Variants in CCN2 observed in about 807,000 individuals in gnomAD.
CCN2 encodes the protein cellular communication network factor 2, also known as CCN family member 2.
Under a neutral mutation model 33.2 loss-of-function variants are expected in CCN2, and 22 were observed. The observed-to-expected ratio is 0.66, with a 90% CI of 0.47 to 0.95. CCN2 has a LOEUF of 0.95. Among genes scored for constraint, CCN2 ranks in the 40% least tolerant of loss-of-function variants. The pLI is 0.00. For synonymous variants in CCN2, 178 were observed against 200.6 expected, an observed-to-expected ratio of 0.89 and a Z score of 0.95; for missense variants, 469 against 498.8, an observed-to-expected ratio of 0.94 and a Z score of 0.57.
At position 131,949,961 on chromosome 6, in the gene CCN2, T is replaced by C. The variant is rs1257803692; in HGVS notation, c.741A>G (p.Glu247=). The C allele has an allele frequency of 6.2e-7, 1 of 1,614,210 alleles. No homozygotes were observed. The highest frequency in any genetic ancestry group is 8.5e-7 in the Non-Finnish European group (1 of 1,180,012). The change falls in exon 4 of 5, where the codon GAA becomes GAG. Residue 247 remains glutamate, a synonymous_variant. Coordinates refer to ENST00000367976, the MANE Select transcript of CCN2 (RefSeq NM_001901.4). The part of the protein sequence containing the change: ...CMVRPCEADL[E]ENIKKGKKCI... ...GCAGAACATGTACCTTAATGTTCTC[T>C]TCCAGGTCAGCTTCGCAAGGCCTGA... is the stretch of plus-strand genomic sequence containing the variant.
chr6:131,950,195 C>T lies in CCN2; in HGVS notation c.542-35G>A, dbSNP rs1189852179. 1.2e-5 allele frequency: 19 copies of T among 1,613,424 alleles called. No homozygotes were observed. Among genetic ancestry groups the T allele is most frequent in the Non-Finnish European group, 1.6e-5 (19 of 1,179,582 alleles). On this transcript the variant is annotated intron_variant, in intron 3 of 4. Transcript: ENST00000367976. The surrounding 1 kb of genome is among the most constrained non-coding windows in gnomAD (Gnocchi z 7.1). ...CAGAGCACACAAACACCATGTAAAA[C>T]GCCTGGATAAGGTATTTCCCCCGTT...
At chr6:131,949,586 AGG>A in intron 4 of CCN2, 26 bp from the exon 5 acceptor site, 1 of 763,152 alleles carries the variant, frequency 1.3e-6, no homozygotes, top group East Asian at 4.1e-5. Context: ...GAAAAGAGAG[AGG>A]AAAAAAAAAA....
chr6:131,949,413 G>T lies in CCN2; in HGVS notation c.901C>A (p.Leu301Met). The change falls in exon 5 of 5, where the codon CTG (leucine) becomes ATG (methionine). Residue 301 changes from leucine (L) to methionine (M), a missense_variant. Transcript: ENST00000367976. Reference sequence around the variant, plus strand: ...TCAGGGCACTTGAACTCCACCGGCAGGGTGGTGGTTCTGTGGGGGGTGCAG... The same window carrying T: ...TCAGGGCACTTGAACTCCACCGGCATGGTGGTGGTTCTGTGGGGGGTGCAG... ...RCCTPHRTTT[L>M]PVEFKCPDGE... 6.2e-7 allele frequency: 1 copy of T among 1,614,222 alleles called. No individual in the cohort carries two copies.
At position 131,949,198 on chromosome 6, in the gene CCN2, G is replaced by A. The variant is rs1294378063; in HGVS notation, c.*66C>T. Reference sequence around the variant, plus strand: ...CTTGTGCTACTGAAATCATTTTTACGGAAAAATGAGATGTGAATCAGTTCA... The same window carrying A: ...CTTGTGCTACTGAAATCATTTTTACAGAAAAATGAGATGTGAATCAGTTCA... On this transcript the variant is annotated 3_prime_UTR_variant, in exon 5 of 5. Transcript: ENST00000367976. 1.4e-6 allele frequency: 2 copies of A among 1,401,580 alleles called. No individual in the cohort carries two copies. The highest frequency in any genetic ancestry group is 2.0e-6 in the Non-Finnish European group (2 of 998,994). The allele number at this position is 1,401,580 out of a possible 1,614,324, so 86.8% of individuals were successfully genotyped here. A position where few individuals can be genotyped will look rare whatever the true frequency, so the allele number is the denominator to read the frequency against.
At position 131,949,323 on chromosome 6, in the gene CCN2, C is replaced by A; in HGVS notation, c.991G>T (p.Gly331Ter). The A allele has an allele frequency of 6.2e-7, 1 of 1,614,172 alleles. No homozygotes were observed. Among genetic ancestry groups the A allele is most frequent in the South Asian group, 1.1e-5 (1 of 91,086 alleles). The change falls in exon 5 of 5, where the codon GGA becomes TGA. Residue 331 changes from glycine to a stop codon, truncating the protein, a stop_gained. Coordinates refer to ENST00000367976, the MANE Select transcript of CCN2 (RefSeq NM_001901.4). LOFTEE classifies it high-confidence loss of function. Reference sequence around the variant, plus strand: ...AGCGATTCAAAGATGTCATTGTCTCCGGGACAGTTGTAATGGCAGGCACAG... The same window carrying A: ...AGCGATTCAAAGATGTCATTGTCTCAGGGACAGTTGTAATGGCAGGCACAG... The part of the protein sequence containing the change: ...KTCACHYNCP[G>*]DNDIFESLYY...
chr6:131,950,095 T>A lies in CCN2; in HGVS notation c.607A>T (p.Thr203Ser). ...TMIRANCLVQ[T>S]TEWSACSKTC... ...TTGGAACAGGCGCTCCACTCTGTGGTCTGGACCAGGCAGTTGGCTCTAATC... is the reference window on the plus strand; with the variant it reads ...TTGGAACAGGCGCTCCACTCTGTGGACTGGACCAGGCAGTTGGCTCTAATC... The change falls in exon 4 of 5, where the codon ACC (threonine) becomes TCC (serine). Residue 203 changes from threonine (T) to serine (S), a missense_variant. Physicochemically the swap from Thr to Ser is moderately conservative, Grantham distance 58. Coordinates refer to ENST00000367976, the MANE Select transcript of CCN2 (RefSeq NM_001901.4). The surrounding 1 kb of genome is among the most constrained non-coding windows in gnomAD (Gnocchi z 7.1). 2 of 1,614,220 alleles carry A rather than the reference T, an allele frequency of 1.2e-6. No homozygotes were observed. Among genetic ancestry groups the A allele is most frequent in the Non-Finnish European group, 8.5e-7 (1 of 1,180,032 alleles).
rs759220528 is a variant in CCN2 at position 131,950,038 on chromosome 6, T to C, written c.664A>G (p.Thr222Ala). Residue 222 changes from threonine to alanine, a missense_variant, in exon 4 of 5, where the codon ACC (threonine) becomes GCC (alanine). Thr to Ala is a moderately conservative substitution (Grantham distance 58, BLOSUM62 0). Coordinates refer to ENST00000367976, the MANE Select transcript of CCN2 (RefSeq NM_001901.4). The surrounding 1 kb of genome is among the most constrained non-coding windows in gnomAD (Gnocchi z 7.1). ...TCGMGISTRVTNDNASCRLEK... is the reference protein window; with the variant it reads ...TCGMGISTRVANDNASCRLEK... ...AGCCTGCAGGAGGCGTTGTCATTGG[T>C]AACCCGGGTGGAGATGCCCATCCCA... is the stretch of plus-strand genomic sequence containing the variant. 8 of 1,614,072 alleles carry C rather than the reference T, an allele frequency of 5.0e-6. No individual in the cohort carries two copies. The East Asian group carries it at 1.8e-4, about 36-fold the overall frequency.
At position 131,949,243 on chromosome 6, in the gene CCN2, A is replaced by T; in HGVS notation, c.*21T>A. 6.2e-7 allele frequency: 1 copy of T among 1,600,664 alleles called. No individual in the cohort carries two copies. Among genetic ancestry groups the T allele is most frequent in the Non-Finnish European group, 8.6e-7 (1 of 1,168,456 alleles). ...AGTTCAAGTTCCAGTCTAATGAGTT[A>T]ATGTCTCTCACTCTCTGGCTTCATG... is the stretch of plus-strand genomic sequence containing the variant. On this transcript the variant is annotated 3_prime_UTR_variant, in exon 5 of 5. Transcript: ENST00000367976.
At position 131,949,060 on chromosome 6, in the gene CCN2, T is replaced by G; in HGVS notation, c.*204A>C. 1 of 594,214 alleles carries G rather than the reference T, an allele frequency of 1.7e-6. No individual in the cohort carries two copies. Among genetic ancestry groups the G allele is most frequent in the Non-Finnish European group, 3.0e-6 (1 of 334,126 alleles). 36.8% of individuals were successfully genotyped at this position (594,214 alleles called of 1,614,324 possible). A position where few individuals can be genotyped will look rare whatever the true frequency, so the allele number is the denominator to read the frequency against. On this transcript the variant is annotated 3_prime_UTR_variant, in exon 5 of 5. Transcript: ENST00000367976. Reference sequence around the variant, plus strand: ...ACTAATGTAGTTCCACTGTCAAGTCTTAACATTCTTCAAACCAGTGTCTGG... The same window carrying G: ...ACTAATGTAGTTCCACTGTCAAGTCGTAACATTCTTCAAACCAGTGTCTGG...
chr6:131,949,195 T>C lies in CCN2; in HGVS notation c.*69A>G. The stretch of plus-strand genomic sequence containing the variant: ...TAACTTGTGCTACTGAAATCATTTT[T>C]ACGGAAAAATGAGATGTGAATCAGT... On this transcript the variant is annotated 3_prime_UTR_variant, in exon 5 of 5. Coordinates refer to ENST00000367976, the MANE Select transcript of CCN2 (RefSeq NM_001901.4). The C allele has an allele frequency of 7.2e-7, 1 of 1,381,420 alleles. No individual in the cohort carries two copies. The highest frequency in any genetic ancestry group is 1.0e-6 in the Non-Finnish European group (1 of 981,472). The allele number at this position is 1,381,420 out of a possible 1,614,324, so 85.6% of individuals were successfully genotyped here.
In CCN2 at chr6:131,949,483, C is replaced by T; in HGVS notation, c.831G>A (p.Lys277=). 1 of 1,607,506 alleles carries T rather than the reference C, an allele frequency of 6.2e-7. No homozygotes were observed. Among genetic ancestry groups the T allele is most frequent in the Non-Finnish European group, 8.5e-7 (1 of 1,175,882 alleles). The change falls in exon 5 of 5, where the codon AAG becomes AAA. Residue 277 remains lysine (K), a synonymous_variant. Coordinates refer to ENST00000367976, the MANE Select transcript of CCN2 (RefSeq NM_001901.4). The stretch of plus-strand genomic sequence containing the variant: ...CTCCACAGAATTTAGCTCGGTATGT[C>T]TTCATGCTGGTGCAGCCAGAAAGCT... ...KFELSGCTSM[K]TYRAKFCGVC...
Position 131,950,762 on chromosome 6 carries a change from G to C in CCN2, c.289+8C>G. The stretch of plus-strand genomic sequence containing the variant: ...CGGACACCTAGCGGTGGGGGCTGCG[G>C]GTCTTACCGGTGCACACGCCGATCT... On this transcript the variant is annotated splice_region_variant and intron_variant, in intron 2 of 4. Transcript: ENST00000367976. This position sits in a 1 kb window ranked among gnomAD's most constrained non-coding sequence, Gnocchi z 7.1. The C allele has an allele frequency of 1.3e-6, 2 of 1,537,714 alleles. No homozygotes were observed. Among genetic ancestry groups the C allele is most frequent in the Admixed American group, 2.0e-5 (1 of 51,250 alleles).
rs920417997 is a variant in CCN2, at chr6:131,948,917, C to T, written c.*347G>A. On this transcript the variant is annotated 3_prime_UTR_variant, in exon 5 of 5. Transcript: ENST00000367976. ...ACGCTAAAATTTTCCTTCTCAATTA[C>T]ACTTCAAATAGCAGGCATATTACTC... The T allele has an allele frequency of 1.5e-5, 4 of 273,780 alleles. No individual in the cohort carries two copies. Among genetic ancestry groups the T allele is most frequent in the African/African-American group, 2.2e-5 (1 of 46,290 alleles). The allele number at this position is 273,780 out of a possible 1,614,324, so 17.0% of individuals were successfully genotyped here.
chr6:131,950,473 G>A lies in CCN2; in HGVS notation c.360C>T (p.Cys120=), dbSNP rs367954777. The part of the protein sequence containing the change: ...YRSGESFQSS[C]KYQCTCLDGA... ...CGTCCAGGCACGTGCACTGGTACTT[G>A]CAGCTGCTCTGGAAGGACTCTCCGC... Residue 120 remains cysteine (C), a synonymous_variant, in exon 3 of 5, where the codon TGC becomes TGT. Transcript: ENST00000367976. The surrounding 1 kb of genome is among the most constrained non-coding windows in gnomAD (Gnocchi z 7.1). 3.7e-6 allele frequency: 6 copies of A among 1,613,892 alleles called. No individual in the cohort carries two copies. In the African/African-American group the frequency reaches 5.3e-5, roughly 14 times the overall value.
chr6:131,951,087 C>CG lies in CCN2; in HGVS notation c.66+19dup. ...CCTCCCTGGCAGCCGCCGGCCGCAGCGGGGGCTCCCGGCGCTTACCCGGCT... is the reference window on the plus strand; with the variant it reads ...CCTCCCTGGCAGCCGCCGGCCGCAGCGGGGGGCTCCCGGCGCTTACCCGGCT... On this transcript the variant is annotated intron_variant, in intron 1 of 4. Coordinates refer to ENST00000367976, the MANE Select transcript of CCN2 (RefSeq NM_001901.4). 2 of 1,308,246 alleles carry CG rather than the reference C, an allele frequency of 1.5e-6. No homozygotes were observed. The highest frequency in any genetic ancestry group is 1.9e-6 in the Non-Finnish European group (2 of 1,029,810). 81.0% of individuals were successfully genotyped at this position (1,308,246 alleles called of 1,614,324 possible).
chr6:131,951,355 G>T lies in CCN2; in HGVS notation c.-183C>A, dbSNP rs888069051. 2.2e-6 allele frequency: 1 copy of T among 444,826 alleles called. No homozygotes were observed. The highest frequency in any genetic ancestry group is 3.6e-6 in the Non-Finnish European group (1 of 276,722). 27.6% of individuals were successfully genotyped at this position (444,826 alleles called of 1,614,324 possible). ...GTCGCACTGGCTGTCTCCTCTCAGC[G>T]GGGAAGAGTTGTTGTGTGAGTTTGG... On this transcript the variant is annotated 5_prime_UTR_variant, in exon 1 of 5. Transcript: ENST00000367976.
rs1275178510 is a variant in CCN2, at chr6:131,951,273, CGGGCTGTCGTCTCG to C, written c.-115_-102del. ...GTCGGAGGTGGGGACCGGGACGCGC[CGGGCTGTCGTCTCG>C]GGGCTGTCGGCCGGGGCGGCTGCCG... On this transcript the variant is annotated 5_prime_UTR_variant, in exon 1 of 5. Transcript: ENST00000367976. 2 of 1,059,640 alleles carry C rather than the reference CGGGCTGTCGTCTCG, an allele frequency of 1.9e-6. No homozygotes were observed. Among genetic ancestry groups the C allele is most frequent in the East Asian group, 3.5e-5 (1 of 28,778 alleles). 65.6% of individuals were successfully genotyped at this position (1,059,640 alleles called of 1,614,324 possible). A position where few individuals can be genotyped will look rare whatever the true frequency, so the allele number is the denominator to read the frequency against.
rs925175156 is a variant in CCN2, at chr6:131,950,715, T to C, written c.289+55A>G. On this transcript the variant is annotated intron_variant, in intron 2 of 4. Transcript: ENST00000367976. This position sits in a 1 kb window ranked among gnomAD's most constrained non-coding sequence, Gnocchi z 7.1. ...GCGGTTTCTTTTTCCAGCGGGCGGGTGGGCGTGAGGGAGGAGGCGGCCGGA... is the reference window on the plus strand; with the variant it reads ...GCGGTTTCTTTTTCCAGCGGGCGGGCGGGCGTGAGGGAGGAGGCGGCCGGA... The C allele has an allele frequency of 5.5e-6, 8 of 1,455,852 alleles. No homozygotes were observed. The highest frequency in any genetic ancestry group is 2.2e-5 in the Admixed American group (1 of 46,016). The allele number at this position is 1,455,852 out of a possible 1,614,324, so 90.2% of individuals were successfully genotyped here.
At position 131,950,543 on chromosome 6, in the gene CCN2, G is replaced by C. The variant is rs1336918485; in HGVS notation, c.290C>G (p.Ala97Gly). The C allele has an allele frequency of 3.1e-6, 5 of 1,612,634 alleles. No individual in the cohort carries two copies. Among genetic ancestry groups the C allele is most frequent in the Non-Finnish European group, 4.2e-6 (5 of 1,179,236 alleles). ...GAAGATGCAGGGAGCACCATCTTTG[G>C]CTGGAGAAGAGGAAGGGAAGAGAGG... is the stretch of plus-strand genomic sequence containing the variant. ...PANRKIGVCT[A>G]KDGAPCIFGG... Residue 97 changes from alanine (A) to glycine (G), a missense_variant and splice_region_variant, in exon 3 of 5, where the codon GCC becomes GGC. Ala to Gly is a moderately conservative substitution (Grantham distance 60). Coordinates refer to ENST00000367976, the MANE Select transcript of CCN2 (RefSeq NM_001901.4). The surrounding 1 kb of genome is among the most constrained non-coding windows in gnomAD (Gnocchi z 7.1).
Sources: gnomAD v4.1 joint callset for allele counts on GRCh38, gnomAD v4.1.1 for gene constraint, Gnocchi (gnomAD v3.1) non-coding constraint, MANE v1.5 for transcripts, NCBI Gene and HGNC (gene_info 2026-07-23, HGNC 2026-07-21) for gene names.